The following LMO3 variants were observed in gnomAD, a reference collection of about 807,000 sequenced individuals.
The protein encoded by LMO3 is LIM domain only 3.
In LMO3, 2 loss-of-function variants were observed where a neutral mutation model predicts 15.8. The ratio of observed to expected loss-of-function variants is 0.13; its 90% CI spans 0.05 to 0.40. LMO3 has a LOEUF of 0.40. LMO3 is among the 10% of genes least tolerant of loss of function. The pLI, the probability that LMO3 is intolerant of heterozygous loss-of-function variation, is 0.99. For missense variants in LMO3, 86 were observed against 182.2 expected, an observed-to-expected ratio of 0.47 and a Z score of 3.04; for synonymous variants, 62 against 63.8, an observed-to-expected ratio of 0.97 and a Z score of 0.13.
chr12:16,568,427 A>G (rs1008755886), intron 2 of LMO3, among the ~76,000 whole-genome samples: 2 of 152,112 alleles, frequency 1.3e-5, no homozygotes, highest in African/African-American at 4.8e-5. Context: ...CCAACCTCCA[A>G]TCCACTCATA....
rs1241968934 is a variant in LMO3 at position 16,603,361 on chromosome 12, T to C, written c.-8-2493A>G. 1.3e-5 allele frequency among the ~76,000 whole-genome samples: 2 copies of C among 152,184 alleles called. No homozygotes were observed. ...GTTAACAATTGTAGCAAAAGAACTA[T>C]TTTGTAGTCACCATGTTACCGTGTA... On this transcript the variant is annotated intron_variant, in intron 1 of 3. Transcript: ENST00000537304. This position sits in a 1 kb window ranked among gnomAD's most constrained non-coding sequence, Gnocchi z 4.9.
At chr12:16,600,384 C>A in intron 2 of LMO3, 7 of 261,106 alleles carry the variant, frequency 2.7e-5, no homozygotes, top group Non-Finnish European at 2.9e-5. Flanking sequence ...TTGACATTAA[C>A]TGGCAGTTTC....
At chr12:16,607,963 T>G (rs747179540), upstream of LMO3, 3 of 152,082 alleles carry the variant, frequency 2.0e-5, no homozygotes, top group Admixed American at 2.0e-4. Context: ...TCACAGACGG[T>G]AGATTAATGA....
rs535409574 is a variant in LMO3, at chr12:16,596,114, C to T, written c.206+4541G>A. On this transcript the variant is annotated intron_variant, in intron 2 of 3. Coordinates refer to ENST00000537304, the MANE Select transcript of LMO3 (RefSeq NM_018640.5). The surrounding 1 kb of genome is among the most constrained non-coding windows in gnomAD (Gnocchi z 4.3). Reference sequence around the variant, plus strand: ...ATTTAGAAGCACCAGGTTTGATCAGCGTGAGATAAAGTTACAGCTAGATTT... The same window carrying T: ...ATTTAGAAGCACCAGGTTTGATCAGTGTGAGATAAAGTTACAGCTAGATTT... Among the ~76,000 whole-genome samples the T allele has an allele frequency of 1.3e-5, 2 of 151,500 alleles. No homozygotes were observed. The highest frequency in any genetic ancestry group is 4.1e-4 in the South Asian group (2 of 4,822).
intron 1 of LMO3, among the ~76,000 whole-genome samples, chr12:16,602,510 C>T (rs887554970): frequency 2.0e-5 from 3 of 152,226 alleles, no homozygotes; most frequent in Admixed American, 2.0e-4. Flanking sequence ...AGTAGCTGTT[C>T]TTTCTTTCTG....
chr12:16,588,244 A>C (rs1462824764), intron 2 of LMO3, among the ~76,000 whole-genome samples: 5 of 151,974 alleles, frequency 3.3e-5, no homozygotes. Context: ...CAATTTATAA[A>C]TATATACAAA....
chr12:16,596,751 C>T lies in LMO3; in HGVS notation c.206+3904G>A, dbSNP rs552438866. On this transcript the variant is annotated intron_variant, in intron 2 of 3. Coordinates refer to ENST00000537304, the MANE Select transcript of LMO3 (RefSeq NM_018640.5). This position sits in a 1 kb window ranked among gnomAD's most constrained non-coding sequence, Gnocchi z 4.3. Reference sequence around the variant, plus strand: ...CATATTTTTTCAAACTGAAATAAGGCGGATAGATCGCAGTGATGAGTACCT... The same window carrying T: ...CATATTTTTTCAAACTGAAATAAGGTGGATAGATCGCAGTGATGAGTACCT... Among the ~76,000 whole-genome samples the T allele has an allele frequency of 5.9e-5, 9 of 151,666 alleles. No individual in the cohort carries two copies. The highest frequency in any genetic ancestry group is 3.9e-4 in the East Asian group (2 of 5,178).
intron 2 of LMO3, chr12:16,594,064 G>C: frequency 7.4e-7 from 1 of 1,344,124 alleles, no homozygotes. Context: ...AAGAATAGAT[G>C]AGTGCTATAG....
rs16912043 is a variant in LMO3 at position 16,586,828 on chromosome 12, T to C, written c.206+13827A>G. Among the ~76,000 whole-genome samples the C allele has an allele frequency of 0.05, 7,624 of 152,268 alleles. 580 individuals are homozygous for C. Among genetic ancestry groups the C allele is most frequent in the African/African-American group, 0.16 (6,579 of 41,524 alleles). On this transcript the variant is annotated intron_variant, in intron 2 of 3. Coordinates refer to ENST00000537304, the MANE Select transcript of LMO3 (RefSeq NM_018640.5). This position sits in a 1 kb window ranked among gnomAD's most constrained non-coding sequence, Gnocchi z 4.3. ...AAAGGAACATGTAAGCCATACACAG[T>C]TGGCATCAAATATTACTGGATGACA...
At chr12:16,602,958 T>A (rs1241949270) in intron 1 of LMO3, among the ~76,000 whole-genome samples, 1 of 151,878 alleles carries the variant, frequency 6.6e-6, no homozygotes, top group African/African-American at 2.4e-5. Context: ...AGGCTATTAT[T>A]TTTATTTATC....
At position 16,560,833 on chromosome 12, in the gene LMO3, A is replaced by G; in HGVS notation, c.207-295T>C. ...CAATGGGGGTGAATTCATAGCAAAA[A>G]TCTCTGGGTTAGAGTATATAGAAAA... On this transcript the variant is annotated intron_variant, in intron 2 of 3. Transcript: ENST00000537304. The surrounding 1 kb of genome is among the most constrained non-coding windows in gnomAD (Gnocchi z 5.0). 2.4e-6 allele frequency: 1 copy of G among 423,840 alleles called. No individual in the cohort carries two copies. Among genetic ancestry groups the G allele is most frequent in the South Asian group, 2.1e-5 (1 of 48,476 alleles). 26.3% of individuals were successfully genotyped at this position (423,840 alleles called of 1,614,324 possible).
At chr12:16,574,685 A>G (rs889134439) in intron 2 of LMO3, among the ~76,000 whole-genome samples, 3 of 152,284 alleles carry the variant, frequency 2.0e-5, no homozygotes, top group African/African-American at 4.8e-5. Flanking sequence ...CAAGACACAT[A>G]AAGAAGAAAA....
rs377260965 is a variant in LMO3 at position 16,584,590 on chromosome 12, G to T, written c.206+16065C>A. The stretch of plus-strand genomic sequence containing the variant: ...AACATTGGCAAGTGGAGGAGTGGGG[G>T]GGGTAAGAGGCCTGTTTAGAGGTGG... On this transcript the variant is annotated intron_variant, in intron 2 of 3. Transcript: ENST00000537304. The surrounding 1 kb of genome is among the most constrained non-coding windows in gnomAD (Gnocchi z 5.2). 2.6e-4 allele frequency among the ~76,000 whole-genome samples: 39 copies of T among 152,204 alleles called. 1 individual carries two copies. The highest frequency in any genetic ancestry group is 8.4e-4 in the African/African-American group (35 of 41,500).
intron 2 of LMO3, among the ~76,000 whole-genome samples, chr12:16,573,287 A>C (rs1412566813): frequency 6.6e-6 from 1 of 152,224 alleles, no homozygotes. Flanking sequence ...TTAGTGAATG[A>C]AGTCAGATAT....
rs1233632280 is a variant in LMO3, at chr12:16,559,318, A to G, written c.332+1095T>C. Among the ~76,000 whole-genome samples the G allele has an allele frequency of 6.6e-6, 1 of 152,234 alleles. No individual in the cohort carries two copies. Reference sequence around the variant, plus strand: ...CCAGTAGTATATAGTTTTCACAGAAATAAAAAATATAACTTTCAATAAGAA... The same window carrying G: ...CCAGTAGTATATAGTTTTCACAGAAGTAAAAAATATAACTTTCAATAAGAA... On this transcript the variant is annotated intron_variant, in intron 3 of 3. Transcript: ENST00000537304. This position sits in a 1 kb window ranked among gnomAD's most constrained non-coding sequence, Gnocchi z 4.1.
intron 2 of LMO3, among the ~76,000 whole-genome samples, chr12:16,568,032 G>T (rs753442085): frequency 6.6e-6 from 1 of 152,098 alleles, no homozygotes; most frequent in Non-Finnish European, 1.5e-5. Context: ...TGATTTTTTG[G>T]AATTCTTGAG....
In LMO3 at chr12:16,589,836, G is replaced by A. The variant is rs1195814111; in HGVS notation, c.206+10819C>T. 1.3e-5 allele frequency among the ~76,000 whole-genome samples: 2 copies of A among 152,062 alleles called. No homozygotes were observed. The highest frequency in any genetic ancestry group is 4.8e-5 in the African/African-American group (2 of 41,398). The stretch of plus-strand genomic sequence containing the variant: ...GAACAGAGGGGGACTGTTAGAAATT[G>A]TAACAGAAAAAAGCCCCCAAGATGC... On this transcript the variant is annotated intron_variant, in intron 2 of 3. Coordinates refer to ENST00000537304, the MANE Select transcript of LMO3 (RefSeq NM_018640.5). The surrounding 1 kb of genome is among the most constrained non-coding windows in gnomAD (Gnocchi z 4.2).
intron 2 of LMO3, chr12:16,600,444 T>C (rs1943790916): frequency 2.0e-5 from 11 of 548,318 alleles, no homozygotes; most frequent in African/African-American, 3.8e-5. Context: ...GCAAGCCAAA[T>C]TGAAATACTT....
chr12:16,556,133 A>G (rs976585395), intron 3 of LMO3, among the ~76,000 whole-genome samples: 8 of 152,332 alleles, frequency 5.3e-5, no homozygotes, highest in South Asian at 2.1e-4. Context: ...TAATTGTTAC[A>G]TAATTTTACA....
Sources: allele counts gnomAD v4.1 joint callset (sites outside exome capture counted in the v4.1 genomes callset), GRCh38; gene constraint gnomAD v4.1.1; non-coding constraint Gnocchi (gnomAD v3.1); transcripts MANE v1.5; gene names NCBI Gene and HGNC (gene_info 2026-07-23, HGNC 2026-07-21).